LRRC4C: variants seen among roughly 807,000 people sequenced by gnomAD.
LRRC4C encodes the protein leucine rich repeat containing 4C.
A neutral mutation model predicts 33.6 loss-of-function variants in LRRC4C; 5 were observed. That is an observed-to-expected ratio of 0.15 (90% CI 0.08 to 0.31). The LOEUF is 0.31. LRRC4C is among the 10% of genes least tolerant of loss of function. The probability of loss-of-function intolerance (pLI) is 1.00; values close to 1 mark genes in which losing one functional copy is unlikely to be tolerated. For synonymous variants in LRRC4C, 329 were observed against 302.0 expected (o/e 1.09, Z -0.93); for missense variants, 560 against 796.7 (o/e 0.70, Z 3.58).
rs188976734 is a variant in LRRC4C, at chr11:41,103,644, C to T, written c.-495-169921G>A. ...GGCTTTCCATTGCCCAAGGGATAGGCAATGCTCCTTAAAACAGCAAAAAAT... is the reference window on the plus strand; with the variant it reads ...GGCTTTCCATTGCCCAAGGGATAGGTAATGCTCCTTAAAACAGCAAAAAAT... On this transcript the variant is annotated intron_variant, in intron 1 of 6. Transcript: ENST00000528697. 3.3e-5 allele frequency among the ~76,000 whole-genome samples: 5 copies of T among 151,874 alleles called. No homozygotes were observed. The East Asian group carries it at 9.7e-4, about 29-fold the overall frequency.
At chr11:41,362,719 G>T (rs537437537) in intron 1 of LRRC4C, among the ~76,000 whole-genome samples, 1 of 152,100 alleles carries the variant, frequency 6.6e-6, no homozygotes, top group South Asian at 2.1e-4. Flanking sequence ...AACAGGTCAG[G>T]TTCTCATGGA....
At chr11:40,476,667 T>G (rs1379916534) in intron 3 of LRRC4C, among the ~76,000 whole-genome samples, 2 of 152,206 alleles carry the variant, frequency 1.3e-5, no homozygotes, top group Non-Finnish European at 2.9e-5. Flanking sequence ...TCTTAAACAT[T>G]AAATTCTAAC....
intron 2 of LRRC4C, among the ~76,000 whole-genome samples, chr11:40,730,830 T>G (rs1947534013): frequency 6.6e-6 from 1 of 152,202 alleles, no homozygotes; most frequent in Non-Finnish European, 1.5e-5. Flanking sequence ...AAGCCCACCT[T>G]TTCTGCTTAA....
At chr11:40,593,133 C>T (rs781779636) in intron 3 of LRRC4C, among the ~76,000 whole-genome samples, 1 of 152,102 alleles carries the variant, frequency 6.6e-6, no homozygotes, top group Admixed American at 6.6e-5. Context: ...ACTAGATGTG[C>T]AGAGAGAAAC....
chr11:40,900,069 T>C (rs1956138845), intron 2 of LRRC4C, among the ~76,000 whole-genome samples: 1 of 152,162 alleles, frequency 6.6e-6, no homozygotes, highest in Admixed American at 6.5e-5. Flanking sequence ...CTGAGCTTTC[T>C]ATTTGTTTTA....
intron 4 of LRRC4C, among the ~76,000 whole-genome samples, chr11:40,300,139 A>G (rs1277581734): frequency 1.3e-5 from 2 of 152,144 alleles, no homozygotes; most frequent in African/African-American, 2.4e-5. Context: ...TGACTTTTAA[A>G]TGACAAGATT....
At chr11:41,228,691 T>G (rs1178968608) in intron 1 of LRRC4C, among the ~76,000 whole-genome samples, 1 of 152,192 alleles carries the variant, frequency 6.6e-6, no homozygotes, top group Non-Finnish European at 1.5e-5. Context: ...ATGATTCTTT[T>G]GTCTCTATCC....
chr11:41,304,981 G>C (rs1305012519), intron 1 of LRRC4C, among the ~76,000 whole-genome samples: 22 of 97,788 alleles, frequency 2.2e-4, no homozygotes, highest in East Asian at 4.8e-4. Flanking sequence ...GCCTCTGCCC[G>C]GCCGCCCCTA....
chr11:40,815,231 G>A (rs1294673286), intron 2 of LRRC4C, among the ~76,000 whole-genome samples: 2 of 152,164 alleles, frequency 1.3e-5, no homozygotes, highest in Admixed American at 6.6e-5. Flanking sequence ...GCAGTCAAGA[G>A]AGCATGTGTA....
intron 1 of LRRC4C, among the ~76,000 whole-genome samples, chr11:41,332,421 T>C (rs1229633302): frequency 6.6e-6 from 1 of 152,184 alleles, no homozygotes; most frequent in Non-Finnish European, 1.5e-5. Flanking sequence ...CAAGGTTTCC[T>C]AATGAAGCTC....
At chr11:40,866,961 T>C (rs564609265) in intron 2 of LRRC4C, among the ~76,000 whole-genome samples, 1 of 152,254 alleles carries the variant, frequency 6.6e-6, no homozygotes, top group East Asian at 1.9e-4. Flanking sequence ...TCGTCTTTCC[T>C]CATGCCCCCT....
At chr11:40,496,861 T>C (rs1954488754) in intron 3 of LRRC4C, among the ~76,000 whole-genome samples, 1 of 152,142 alleles carries the variant, frequency 6.6e-6, no homozygotes, top group Non-Finnish European at 1.5e-5. Context: ...TACTAGAAGA[T>C]TCTAAAAGTT....
intron 1 of LRRC4C, among the ~76,000 whole-genome samples, chr11:41,358,787 A>G (rs1368551022): frequency 6.6e-6 from 1 of 152,192 alleles, no homozygotes; most frequent in Non-Finnish European, 1.5e-5. Flanking sequence ...TGGTGGAAGT[A>G]CAACCATTTT....
At chr11:41,263,874 C>T (rs1949062547) in intron 1 of LRRC4C, among the ~76,000 whole-genome samples, 2 of 151,990 alleles carry the variant, frequency 1.3e-5, no homozygotes, top group South Asian at 2.1e-4. Flanking sequence ...TAAGGAAATG[C>T]AACAAACTAG....
chr11:40,500,403 T>C (rs1029232223), intron 3 of LRRC4C, among the ~76,000 whole-genome samples: 2 of 151,262 alleles, frequency 1.3e-5, no homozygotes, highest in Non-Finnish European at 2.9e-5. Flanking sequence ...ATTATTTAAA[T>C]ATATGCATGT....
At chr11:40,127,208 G>A (rs545033704) in intron 6 of LRRC4C, among the ~76,000 whole-genome samples, 23 of 152,104 alleles carry the variant, frequency 1.5e-4, no homozygotes, top group African/African-American at 2.2e-4. Flanking sequence ...ACCGGGAGGC[G>A]GAGGTTACAG....
chr11:40,880,176 C>T lies in LRRC4C; in HGVS notation c.-407+53459G>A, dbSNP rs1358289919. On this transcript the variant is annotated intron_variant, in intron 2 of 6. Coordinates refer to ENST00000528697, the MANE Select transcript of LRRC4C (RefSeq NM_001258419.2). ...CTGCCAGACCTGAGAGGGGGGAAGA[C>T]TTTGAGGCGACTTCAGCTCCAGAAA... Among the ~76,000 whole-genome samples the T allele has an allele frequency of 2.0e-5, 3 of 152,062 alleles. No homozygotes were observed. In the East Asian group the frequency reaches 5.8e-4, roughly 29 times the overall value.
At chr11:40,763,272 G>C (rs1291050456) in intron 2 of LRRC4C, among the ~76,000 whole-genome samples, 1 of 151,838 alleles carries the variant, frequency 6.6e-6, no homozygotes, top group East Asian at 1.9e-4. Context: ...CATCCCATCT[G>C]GTCTGTGTCT....
At chr11:40,212,019 G>C (rs997757657) in intron 5 of LRRC4C, among the ~76,000 whole-genome samples, 1 of 152,148 alleles carries the variant, frequency 6.6e-6, no homozygotes, top group Admixed American at 6.6e-5. Flanking sequence ...CCTATGTGCT[G>C]ATGATGCTGT....
Sources: gnomAD v4.1 joint callset for allele counts (sites outside exome capture counted in the v4.1 genomes callset) on GRCh38, gnomAD v4.1.1 for gene constraint, MANE v1.5 for transcripts, NCBI Gene and HGNC (gene_info 2026-07-23, HGNC 2026-07-21) for gene names.